PKD1L1: variants seen among roughly 807,000 people sequenced by gnomAD.
The protein encoded by PKD1L1 is polycystin-1-like protein 1.
PKD1L1 carries 236 observed loss-of-function variants against 323.4 expected under a neutral mutation model. The ratio of observed to expected loss-of-function variants is 0.73; its 90% CI spans 0.66 to 0.81. The LOEUF is 0.81. PKD1L1 is among the 40% of genes least tolerant of loss of function. PKD1L1 has a pLI of 0.00. For synonymous variants in PKD1L1, 1,344 were observed against 1,335.0 expected (o/e 1.01, Z -0.15); for missense variants, 3,320 against 3,508.0 (o/e 0.95, Z 1.35).
intron 49 of PKD1L1, 123 bp downstream of exon 49, chr7:47,812,998 G>A (rs529592044): frequency 2.5e-6 from 3 of 1,193,564 alleles, no homozygotes; most frequent in Admixed American, 4.5e-5. Flanking sequence ...TGGCAGTGGT[G>A]CGCTGACCTC....
chr7:47,864,610 T>TTCTTTCTTTC (rs1786113130), intron 26 of PKD1L1, among the ~76,000 whole-genome samples: 1 of 138,776 alleles, frequency 7.2e-6, no homozygotes, highest in Admixed American at 7.2e-5. Context: ...CTTTCTTTCT[T>TTCTTTCTTTC]TCTTTCTTTC....
chr7:47,824,366 T>C (rs953418079), intron 45 of PKD1L1, among the ~76,000 whole-genome samples: 1 of 152,226 alleles, frequency 6.6e-6, no homozygotes, highest in Non-Finnish European at 1.5e-5. Flanking sequence ...TTTTAAAGGA[T>C]ACCAGGAATG....
At chr7:47,829,196 C>T (rs142085492) in intron 44 of PKD1L1, among the ~76,000 whole-genome samples, 1 of 152,000 alleles carries the variant, frequency 6.6e-6, no homozygotes, top group Non-Finnish European at 1.5e-5. Flanking sequence ...AAAATATGCT[C>T]ATTTTCTTGA....
At chr7:47,953,451 T>G (rs773218443), upstream of PKD1L1, among the ~76,000 whole-genome samples, 18 of 152,190 alleles carry the variant, frequency 1.2e-4, no homozygotes, top group Non-Finnish European at 2.1e-4. Context: ...GCTACTTATG[T>G]GAGCCCAGAT....
rs553681789 is a variant in PKD1L1 at position 47,794,990 on chromosome 7, A to AT, written c.8355+998dup. On this transcript the variant is annotated intron_variant, in intron 55 of 56. Coordinates refer to ENST00000289672, the MANE Select transcript of PKD1L1 (RefSeq NM_138295.5). ...ATTGTATCTAGGAAGTAACTAACTTATTTTTTATTTTACAGGCTCATAGGT... is the reference window on the plus strand; with the variant it reads ...ATTGTATCTAGGAAGTAACTAACTTATTTTTTTATTTTACAGGCTCATAGGT... 4.3e-3 allele frequency among the ~76,000 whole-genome samples: 649 copies of AT among 152,184 alleles called. 2 individuals are homozygous for AT. Among genetic ancestry groups the AT allele is most frequent in the Non-Finnish European group, 7.3e-3 (495 of 67,988 alleles).
intron 48 of PKD1L1, 170 bp from the exon 49 acceptor site, chr7:47,813,463 A>C (rs1784946496): frequency 2.6e-6 from 2 of 771,698 alleles, no homozygotes; most frequent in Non-Finnish European, 4.4e-6. Flanking sequence ...TACAGACTCT[A>C]GCTCAAGCTA....
At chr7:47,822,313 G>A (rs571484290) in intron 45 of PKD1L1, among the ~76,000 whole-genome samples, 3 of 152,112 alleles carry the variant, frequency 2.0e-5, no homozygotes, top group Admixed American at 6.5e-5. Flanking sequence ...GTATTTTGCC[G>A]GGCGCAGTAG....
rs534287480 is a variant in PKD1L1, at chr7:47,904,607, T to A, written c.1702A>T (p.Met568Leu). ...CTCATCCTGTTGGAAGCCTTAACCATCACACGATACCTGCAGGATGGGGAA... is the reference window on the plus strand; with the variant it reads ...CTCATCCTGTTGGAAGCCTTAACCAACACACGATACCTGCAGGATGGGGAA... ...RLSIPQWYRV[M>L]VKASNRMSSV... Residue 568 changes from methionine (M) to leucine (L), a missense_variant, in exon 12 of 57, where the codon ATG (methionine) becomes TTG (leucine). Physicochemically the swap from Met to Leu is conservative, Grantham distance 15. Coordinates refer to ENST00000289672, the MANE Select transcript of PKD1L1 (RefSeq NM_138295.5). The A allele has an allele frequency of 1.9e-6, 3 of 1,611,652 alleles. No individual in the cohort carries two copies. The highest frequency in any genetic ancestry group is 3.3e-5 in the Admixed American group (2 of 59,864).
intron 21 of PKD1L1, among the ~76,000 whole-genome samples, chr7:47,879,747 C>T (rs1786493122): frequency 6.8e-6 from 1 of 147,466 alleles, no homozygotes; most frequent in African/African-American, 2.5e-5. Flanking sequence ...TCCTGGCTAA[C>T]ATGGTGAAAC....
At chr7:47,811,192 T>C (rs1156307337) in intron 50 of PKD1L1, among the ~76,000 whole-genome samples, 1 of 150,898 alleles carries the variant, frequency 6.6e-6, no homozygotes, top group Non-Finnish European at 1.5e-5. Flanking sequence ...CTTGCTCTGT[T>C]GCCCAGGCTG....
chr7:47,882,804 G>A (rs185223764), intron 19 of PKD1L1, among the ~76,000 whole-genome samples: 110 of 152,250 alleles, frequency 7.2e-4, no homozygotes, highest in African/African-American at 2.6e-3. Context: ...AGCCACTGGA[G>A]GGACCTGTCA....
At chr7:47,951,337 T>C (rs889090470), upstream of PKD1L1, among the ~76,000 whole-genome samples, 1 of 152,190 alleles carries the variant, frequency 6.6e-6, no homozygotes, top group African/African-American at 2.4e-5. Flanking sequence ...GTCTTTCCCT[T>C]TGTCTTCATT....
At chr7:47,833,953 T>A (rs1459892695) in intron 40 of PKD1L1, among the ~76,000 whole-genome samples, 2 of 152,184 alleles carry the variant, frequency 1.3e-5, no homozygotes, top group African/African-American at 4.8e-5. Context: ...GTGGAGAAGC[T>A]CACTGAGCAA....
intron 3 of PKD1L1, 120 bp downstream of exon 3, chr7:47,940,073 C>T: frequency 1.5e-6 from 2 of 1,344,690 alleles, no homozygotes; most frequent in Non-Finnish European, 2.1e-6. Context: ...GGCACAAACA[C>T]ACATGATAGG....
At chr7:47,870,384 G>A (rs1433700103) in intron 24 of PKD1L1, among the ~76,000 whole-genome samples, 1 of 133,242 alleles carries the variant, frequency 7.5e-6, no homozygotes, top group Non-Finnish European at 1.6e-5. Flanking sequence ...ATAAGAGAGG[G>A]AAAAAGAGAT....
At chr7:47,818,104 A>C in intron 46 of PKD1L1, 2 of 1,367,862 alleles carry the variant, frequency 1.5e-6, no homozygotes, top group Non-Finnish European at 2.0e-6. Flanking sequence ...AGCAAATTGG[A>C]GGCCTGCCAG....
chr7:47,910,826 T>TTTTTTTTTTGTGTG (rs762737755), intron 8 of PKD1L1, among the ~76,000 whole-genome samples: 1 of 126,082 alleles, frequency 7.9e-6, no homozygotes, highest in African/African-American at 3.3e-5. Context: ...CCAGCTGATT[T>TTTTTTTTTTGTGTG]TGTGTGTGTG....
chr7:47,866,687 G>T, intron 24 of PKD1L1, 73 bp from the exon 25 acceptor site: 1 of 1,327,674 alleles, frequency 7.5e-7, no homozygotes, highest in Non-Finnish European at 1.0e-6. Flanking sequence ...TACCAAGAGT[G>T]GGATGGGATT....
the PKD1L1 span, among the ~76,000 whole-genome samples, chr7:47,957,781 C>T: frequency 6.7e-6 from 1 of 149,134 alleles, no homozygotes; most frequent in African/African-American, 2.5e-5. Flanking sequence ...CAGCCATAAA[C>T]CAGTATCATT....
Sources: gnomAD v4.1 joint callset for allele counts (sites outside exome capture counted in the v4.1 genomes callset) on GRCh38, gnomAD v4.1.1 for gene constraint, MANE v1.5 for transcripts, NCBI Gene and HGNC (gene_info 2026-07-23, HGNC 2026-07-21) for gene names.